Variants in BEND2 observed in about 807,000 individuals in gnomAD.
BEND2 encodes the protein BEN domain-containing protein 2.
BEND2 carries 19 observed loss-of-function variants against 43.8 expected under a neutral mutation model. The ratio of observed to expected loss-of-function variants is 0.43; its 90% CI spans 0.30 to 0.64. BEND2 has a LOEUF of 0.64. Ranked by LOEUF, BEND2 falls within the 30% of genes least tolerant of loss-of-function variation. The probability of loss-of-function intolerance (pLI) is 0.11; values close to 1 mark genes in which losing one functional copy is unlikely to be tolerated. For synonymous variants in BEND2, 226 were observed against 210.1 expected (o/e 1.08, Z -0.66); for missense variants, 544 against 574.0 (o/e 0.95, Z 0.53).
At position 18,189,509 on chromosome X, in the gene BEND2, C is replaced by T. The variant is rs966339411; in HGVS notation, c.1288+1492G>A. ...CTGGGTGACAGAGACTGTCTCAAAA[C>T]GAGCATTCATCATGACCAAGTGGGA... On this transcript the variant is annotated intron_variant, in intron 8 of 13. Coordinates refer to ENST00000380033, the MANE Select transcript of BEND2 (RefSeq NM_153346.5). Among the ~76,000 whole-genome samples, 6 of 110,720 alleles carry T rather than the reference C, an allele frequency of 5.4e-5. No individual in the cohort carries two copies. The East Asian group carries it at 1.1e-3, about 21-fold the overall frequency.
intron 6 of BEND2, among the ~76,000 whole-genome samples, chrX:18,201,405 AAAAAAAAAAAAAC>A (rs1925146738): frequency 2.1e-5 from 2 of 96,898 alleles, no homozygotes; most frequent in East Asian, 3.1e-4. Flanking sequence ...TCAAAAAAAA[AAAAAAAAAAAAAC>A]AAAAAAAAAA....
At chrX:18,175,581 C>T (rs1431573188) in intron 11 of BEND2, among the ~76,000 whole-genome samples, 2 of 111,817 alleles carry the variant, frequency 1.8e-5, no homozygotes, top group African/African-American at 3.2e-5. Context: ...TAACGAAGTG[C>T]CTGCATTTTC....
intron 11 of BEND2, among the ~76,000 whole-genome samples, chrX:18,175,210 C>T (rs1387887001): frequency 8.9e-6 from 1 of 111,831 alleles, no homozygotes; most frequent in South Asian, 3.7e-4. Flanking sequence ...GAAATCAACC[C>T]GTTCACCAGG....
chrX:18,212,799 G>T, intron 3 of BEND2, 119 bp from the exon 4 acceptor site: 1 of 451,223 alleles, frequency 2.2e-6, no homozygotes, highest in Non-Finnish European at 3.7e-6. Context: ...ATTTTAGAGT[G>T]ACAAAACAAG....
At position 18,201,918 on chromosome X, in the gene BEND2, G is replaced by C; in HGVS notation, c.930C>G (p.Asn310Lys). ...CTGTCTCAGTGCTGTTTTTACTGCT[G>C]TTTGCTGGTCTTTCTGGCATTTCTG... ...PNLEMPERPA[N>K]SSKNSTETAN... The change falls in exon 6 of 14, where the codon AAC (asparagine) becomes AAG (lysine). Residue 310 changes from asparagine to lysine, a missense_variant. Physicochemically the swap from Asn to Lys is moderately conservative, Grantham distance 94 (BLOSUM62 0). Coordinates refer to ENST00000380033, the MANE Select transcript of BEND2 (RefSeq NM_153346.5). The C allele has an allele frequency of 8.3e-7, 1 of 1,207,385 alleles. No individual in the cohort carries two copies.
At chrX:18,183,530 A>G (rs1008377739) in intron 8 of BEND2, among the ~76,000 whole-genome samples, 1 of 112,288 alleles carries the variant, frequency 8.9e-6, no homozygotes. Flanking sequence ...GAAATCCAAA[A>G]TCAGCTTAGG....
In BEND2 at chrX:18,174,200, C is replaced by T. The variant is rs775570352; in HGVS notation, c.1811G>A (p.Arg604Lys). 8.3e-7 allele frequency: 1 copy of T among 1,211,949 alleles called. No homozygotes were observed. The highest frequency in any genetic ancestry group is 3.0e-5 in the East Asian group (1 of 33,860). ...TNRVASASADRNDQRGRDGGE... is the reference protein window; with the variant it reads ...TNRVASASADKNDQRGRDGGE... ...ACCATCTCTGCCCCTTTGGTCATTT[C>T]TATCTGCAGATGCCGATGCAACACG... The change falls in exon 12 of 14, where the codon AGA (arginine) becomes AAA (lysine). Residue 604 changes from arginine to lysine, a missense_variant. Physicochemically the swap from Arg to Lys is conservative, Grantham distance 26. Transcript: ENST00000380033.
rs946958526 is a variant in BEND2, at chrX:18,171,125, G to A, written c.2061C>T (p.Ser687=). Reference sequence around the variant, plus strand: ...TCTGAATAAGGTATCTAGCCGACAGGCTTGCGCAAGACTTAGTTTTTGCCA... The same window carrying A: ...TCTGAATAAGGTATCTAGCCGACAGACTTGCGCAAGACTTAGTTTTTGCCA... ...LTLAKTKSCA[S]LSARYLIQKL... is the part of the protein sequence containing the mutation. The change falls in exon 13 of 14, where the codon AGC becomes AGT. Residue 687 remains serine, a synonymous_variant. Transcript: ENST00000380033. 1 of 1,209,413 alleles carries A rather than the reference G, an allele frequency of 8.3e-7. No individual in the cohort carries two copies. Among genetic ancestry groups the A allele is most frequent in the Non-Finnish European group, 1.1e-6 (1 of 893,125 alleles).
chrX:18,184,118 G>A (rs1217538642), intron 8 of BEND2, among the ~76,000 whole-genome samples: 1 of 111,454 alleles, frequency 9.0e-6, no homozygotes, highest in East Asian at 2.8e-4. Flanking sequence ...TGTCCACAGG[G>A]GTGTTTGTGT....
Position 18,203,365 on chromosome X carries a change from C to T in BEND2, c.907+136G>A, listed in dbSNP as rs1925226665. 6 of 755,672 alleles carry T rather than the reference C, an allele frequency of 7.9e-6. No homozygotes were observed. The Admixed American group carries it at 2.1e-4, about 26-fold the overall frequency. 62.3% of individuals were successfully genotyped at this position (755,672 alleles called of 1,213,427 possible). Reference sequence around the variant, plus strand: ...GGGTATCTCTCTGTATTATTTCTTACAACTACATATGAATCTATAATGGCT... The same window carrying T: ...GGGTATCTCTCTGTATTATTTCTTATAACTACATATGAATCTATAATGGCT... On this transcript the variant is annotated intron_variant, in intron 5 of 13. Transcript: ENST00000380033.
At chrX:18,178,041 C>T (rs959306532) in intron 9 of BEND2, among the ~76,000 whole-genome samples, 2 of 111,209 alleles carry the variant, frequency 1.8e-5, no homozygotes, top group Admixed American at 1.9e-4. Context: ...TATTGAACTA[C>T]TCTGTTCATT....
chrX:18,218,361 G>C (rs1472308264), intron 1 of BEND2, among the ~76,000 whole-genome samples: 1 of 111,647 alleles, frequency 9.0e-6, no homozygotes, highest in East Asian at 2.8e-4. Flanking sequence ...TTTAGATTCT[G>C]TCATCAGAAG....
chrX:18,198,969 G>A (rs1275943547), intron 6 of BEND2, among the ~76,000 whole-genome samples: 6 of 101,591 alleles, frequency 5.9e-5, no homozygotes, highest in Admixed American at 4.5e-4. Flanking sequence ...ACCAAACGCC[G>A]GATGTTCTCA....
In BEND2 at chrX:18,220,731, T is replaced by C. The variant is rs764385977; in HGVS notation, c.20A>G (p.Glu7Gly). The change falls in exon 1 of 14, where the codon GAA (glutamate) becomes GGA (glycine). Residue 7 changes from glutamate (E) to glycine (G), a missense_variant. Around this residue, in one of 2 missense-constraint regions of BEND2, gnomAD observed 501 missense variants for 501.6 expected, o/e 1.00. Coordinates refer to ENST00000380033, the MANE Select transcript of BEND2 (RefSeq NM_153346.5). MSERTQ[E>G]QDFVIITVDD... The stretch of plus-strand genomic sequence containing the variant: ...TTGAGGCGAGGTCACTTTACCCTGT[T>C]CCTGGGTCCTCTCTGACATCGTGAG... 2.2e-5 allele frequency: 26 copies of C among 1,208,598 alleles called. No individual in the cohort carries two copies. The highest frequency in any genetic ancestry group is 2.9e-5 in the Non-Finnish European group (26 of 894,349).
At chrX:18,177,482 G>T (rs995829705) in intron 10 of BEND2, 87 bp downstream of exon 10, 4 of 962,258 alleles carry the variant, frequency 4.2e-6, no homozygotes, top group African/African-American at 3.9e-5. Context: ...CAGACTTATT[G>T]TTATTCCTTC....
At chrX:18,211,510 C>T (rs1486214232) in intron 4 of BEND2, among the ~76,000 whole-genome samples, 3 of 112,211 alleles carry the variant, frequency 2.7e-5, no homozygotes, top group East Asian at 5.6e-4. Flanking sequence ...AGGCCGGATG[C>T]GGTGGCTCAC....
At chrX:18,219,512 T>A (rs1925786084) in intron 1 of BEND2, among the ~76,000 whole-genome samples, 1 of 112,793 alleles carries the variant, frequency 8.9e-6, no homozygotes, top group Non-Finnish European at 1.9e-5. Context: ...GCACAGTCTG[T>A]CTCTAAATCA....
intron 8 of BEND2, among the ~76,000 whole-genome samples, chrX:18,182,382 G>A (rs1162080021): frequency 9.0e-6 from 1 of 111,566 alleles, no homozygotes; most frequent in African/African-American, 3.3e-5. Context: ...GTGGAACTCT[G>A]AGTCAATTAA....
At chrX:18,176,144 C>T in intron 10 of BEND2, 51 bp from the exon 11 acceptor site, 1 of 1,135,615 alleles carries the variant, frequency 8.8e-7, no homozygotes, top group South Asian at 2.2e-5. Flanking sequence ...AATTAACAAA[C>T]TAATGAAAAA....
Sources: allele counts gnomAD v4.1 joint callset (sites outside exome capture counted in the v4.1 genomes callset), GRCh38; gene constraint gnomAD v4.1.1; regional missense constraint gnomAD v4.1.1; transcripts MANE v1.5; gene names NCBI Gene and HGNC (gene_info 2026-07-23, HGNC 2026-07-21).